The following SYTL2 variants were observed in gnomAD, a reference collection of about 807,000 sequenced individuals.
SYTL2 encodes the protein synaptotagmin-like protein 2.
Under a neutral mutation model 198.7 loss-of-function variants are expected in SYTL2, and 165 were observed. That is an observed-to-expected ratio of 0.83 (90% confidence interval 0.73 to 0.94). The LOEUF is 0.94. Ranked by LOEUF, SYTL2 falls within the 40% of genes least tolerant of loss-of-function variation. SYTL2 has a pLI of 0.00. For synonymous variants in SYTL2, 966 were observed against 917.7 expected (o/e 1.05, Z -0.95); for missense variants, 2,835 against 2,582.8 (o/e 1.10, Z -2.12).
the SYTL2 span, among the ~76,000 whole-genome samples, chr11:85,834,573 G>A: frequency 1.4e-4 from 22 of 151,880 alleles, no homozygotes; most frequent in South Asian, 2.1e-3. Flanking sequence ...ATACACCTTC[G>A]GTAGAAACTG....
intron 1 of SYTL2, among the ~76,000 whole-genome samples, chr11:85,788,321 C>T (rs1288276462): frequency 1.3e-5 from 2 of 152,158 alleles, no homozygotes. Context: ...CTTATTCAGT[C>T]TTCGCAACAA....
In SYTL2 at chr11:85,696,313, G is replaced by C; in HGVS notation, c.6444C>G (p.Phe2148Leu). The change falls in exon 19 of 20, where the codon TTC becomes TTG. Residue 2148 changes from phenylalanine to leucine, a missense_variant. Transcript: ENST00000359152. ...RAVGKTTNPI[F>L]NHTMVYDGFR... is the part of the protein sequence containing the mutation. Reference sequence around the variant, plus strand: ...ACCCATCATACACCATAGTGTGGTTGAAGATAGGGTTGGTGGTTTTCCCTA... The same window carrying C: ...ACCCATCATACACCATAGTGTGGTTCAAGATAGGGTTGGTGGTTTTCCCTA... 6.2e-7 allele frequency: 1 copy of C among 1,614,058 alleles called. No individual in the cohort carries two copies. Among genetic ancestry groups the C allele is most frequent in the Non-Finnish European group, 8.5e-7 (1 of 1,179,928 alleles).
At chr11:85,748,107 C>T (rs1044327092) in intron 3 of SYTL2, among the ~76,000 whole-genome samples, 165 bp downstream of exon 3, 1 of 152,282 alleles carries the variant, frequency 6.6e-6, no homozygotes, top group East Asian at 1.9e-4. Context: ...CTGCCCTCAT[C>T]CATCCAAATC....
intron 1 of SYTL2, among the ~76,000 whole-genome samples, chr11:85,781,865 A>T (rs113845896): frequency 2.0e-5 from 3 of 152,294 alleles, no homozygotes; most frequent in African/African-American, 7.2e-5. Context: ...TTTGTAGGAT[A>T]CAGCACCCCC....
At chr11:85,705,552 AAAAT>A (rs1179197582) in intron 15 of SYTL2, among the ~76,000 whole-genome samples, 1 of 152,178 alleles carries the variant, frequency 6.6e-6, no homozygotes, top group Non-Finnish European at 1.5e-5. Flanking sequence ...TGAGGTATTT[AAAAT>A]AAATAAATAA....
At chr11:85,738,183 A>C (rs1269934529) in intron 4 of SYTL2, among the ~76,000 whole-genome samples, 3 of 152,202 alleles carry the variant, frequency 2.0e-5, no homozygotes, top group Non-Finnish European at 4.4e-5. Flanking sequence ...TTTGCCCCCA[A>C]GGCCACAGAA....
At chr11:85,803,865 C>A (rs532810545) in intron 1 of SYTL2, among the ~76,000 whole-genome samples, 1 of 152,026 alleles carries the variant, frequency 6.6e-6, no homozygotes, top group Non-Finnish European at 1.5e-5. Flanking sequence ...AGTAGTCCTG[C>A]CAATTAGAGG....
At chr11:85,751,158 G>A (rs531890041) in intron 2 of SYTL2, among the ~76,000 whole-genome samples, 1 of 152,272 alleles carries the variant, frequency 6.6e-6, no homozygotes, top group East Asian at 1.9e-4. Context: ...AAAAGAACAG[G>A]AAATTCTTTC....
intron 1 of SYTL2, among the ~76,000 whole-genome samples, chr11:85,759,369 G>A (rs972329084): frequency 6.6e-6 from 1 of 152,092 alleles, no homozygotes; most frequent in Non-Finnish European, 1.5e-5. Context: ...TTACTGGGAA[G>A]TTATCCTTCT....
At position 85,734,280 on chromosome 11, in the gene SYTL2, T is replaced by A. The variant is rs1365725547; in HGVS notation, c.1049A>T (p.His350Leu). ...ACTAAATTCTCCTACTTCCCGACCA[T>A]GGATTAGCCCAGGACTCTGTGGAAG... ...DELPQSPGLI[H>L]GREVGEFSVL... The change falls in exon 7 of 20, where the codon CAT (histidine) becomes CTT (leucine). Residue 350 changes from histidine to leucine, a missense_variant. His to Leu is a moderately conservative substitution (Grantham distance 99, BLOSUM62 -3). This residue lies in a region of SYTL2 where 2,645 missense variants were observed against 2,381.7 expected (regional missense o/e 1.11). Coordinates refer to ENST00000359152, the MANE Select transcript of SYTL2 (RefSeq NM_206927.4). 3 of 1,614,182 alleles carry A rather than the reference T, an allele frequency of 1.9e-6. No homozygotes were observed. The highest frequency in any genetic ancestry group is 2.5e-6 in the Non-Finnish European group (3 of 1,180,014).
At chr11:85,800,750 T>C (rs367874536) in intron 1 of SYTL2, among the ~76,000 whole-genome samples, 2 of 152,204 alleles carry the variant, frequency 1.3e-5, no homozygotes, top group East Asian at 3.8e-4. Context: ...CAAATACCTG[T>C]GCTCAGTTCC....
chr11:85,735,081 G>A (rs373448990), intron 6 of SYTL2, among the ~76,000 whole-genome samples: 3 of 152,172 alleles, frequency 2.0e-5, no homozygotes, highest in Admixed American at 1.3e-4. Context: ...GGTTCATCAC[G>A]TGTAACAAAT....
intron 1 of SYTL2, among the ~76,000 whole-genome samples, chr11:85,803,084 T>A (rs1248182782): frequency 1.3e-5 from 2 of 152,192 alleles, no homozygotes; most frequent in African/African-American, 4.8e-5. Context: ...CTCAAAATCA[T>A]CTGCTATAAC....
chr11:85,831,864 G>T, the SYTL2 span, among the ~76,000 whole-genome samples: 3 of 152,088 alleles, frequency 2.0e-5, no homozygotes, highest in Admixed American at 6.5e-5. Flanking sequence ...ATAATAAGCT[G>T]CACATACTTA....
At chr11:85,710,287 A>G (rs1254187075) in intron 13 of SYTL2, among the ~76,000 whole-genome samples, 1 of 152,208 alleles carries the variant, frequency 6.6e-6, no homozygotes, top group Non-Finnish European at 1.5e-5. Context: ...TTTAGAGGTC[A>G]GGAAGGGTAG....
chr11:85,726,712 T>C lies in SYTL2; in HGVS notation c.2646A>G (p.Pro882=). 6.5e-7 allele frequency: 1 copy of C among 1,536,198 alleles called. No individual in the cohort carries two copies. Among genetic ancestry groups the C allele is most frequent in the Non-Finnish European group, 8.7e-7 (1 of 1,146,898 alleles). The stretch of plus-strand genomic sequence containing the variant: ...AGTATCTGGATGGACCTGCTATTTG[T>C]GGCTTGGTCTCTTTAGATTTATTTG... ...YSSNKSKETK[P]QIAGPSRYYL... The change falls in exon 8 of 20, where the codon CCA becomes CCG. Residue 882 remains proline (P), a synonymous_variant. Coordinates refer to ENST00000359152, the MANE Select transcript of SYTL2 (RefSeq NM_206927.4).
rs771300585 is a variant in SYTL2 at position 85,696,429 on chromosome 11, T to C, written c.6369-41A>G. ...TGATTGTGGGAGCATTTTAGTAAGA[T>C]AGTGAACATTCATGCTTTCAATACA... On this transcript the variant is annotated intron_variant, in intron 18 of 19. Transcript: ENST00000359152. 2.3e-5 allele frequency: 34 copies of C among 1,464,908 alleles called. No individual in the cohort carries two copies. In the South Asian group the frequency reaches 2.6e-4, roughly 11 times the overall value. The allele number at this position is 1,464,908 out of a possible 1,614,324, so 90.7% of individuals were successfully genotyped here.
At chr11:85,773,308 C>G (rs2092392902) in intron 1 of SYTL2, among the ~76,000 whole-genome samples, 1 of 152,216 alleles carries the variant, frequency 6.6e-6, no homozygotes, top group African/African-American at 2.4e-5. Context: ...GACTTCCTTT[C>G]CATTTCTCCC....
At chr11:85,819,121 A>G in the SYTL2 span, among the ~76,000 whole-genome samples, 1 of 152,206 alleles carries the variant, frequency 6.6e-6, no homozygotes, top group African/African-American at 2.4e-5. Flanking sequence ...TAATTTTCAT[A>G]TCAATTCTCT....
Sources: allele counts gnomAD v4.1 joint callset (sites outside exome capture counted in the v4.1 genomes callset), GRCh38; gene constraint gnomAD v4.1.1; regional missense constraint gnomAD v4.1.1; transcripts MANE v1.5; gene names NCBI Gene and HGNC (gene_info 2026-07-23, HGNC 2026-07-21).